Variants in TMC1 observed in about 807,000 individuals in gnomAD.
TMC1 encodes the protein transmembrane channel like 1, also known as transmembrane channel-like protein 1.
A neutral mutation model predicts 105.8 loss-of-function variants in TMC1; 84 were observed. The ratio of observed to expected loss-of-function variants is 0.79; its 90% CI spans 0.67 to 0.95. The LOEUF is 0.95. TMC1 is among the 40% of genes least tolerant of loss of function. TMC1 has a pLI of 0.00. For missense variants in TMC1, 817 were observed against 914.1 expected (o/e 0.89, Z 1.37); for synonymous variants, 315 against 311.5 (o/e 1.01, Z -0.12).
At chr9:72,570,573 A>G (rs1487041591) in intron 1 of TMC1, among the ~76,000 whole-genome samples, 1 of 151,726 alleles carries the variant, frequency 6.6e-6, no homozygotes, top group Non-Finnish European at 1.5e-5. Context: ...CTTATATTTT[A>G]AATTTGAAAT....
intron 5 of TMC1, among the ~76,000 whole-genome samples, chr9:72,649,279 G>A (rs1018106351): frequency 3.3e-5 from 5 of 152,162 alleles, no homozygotes; most frequent in African/African-American, 1.2e-4. Flanking sequence ...CAGTCATTCT[G>A]TGACATTTAT....
At chr9:72,827,320 T>C (rs1828972430) in intron 21 of TMC1, among the ~76,000 whole-genome samples, 1 of 152,108 alleles carries the variant, frequency 6.6e-6, no homozygotes, top group Non-Finnish European at 1.5e-5. Context: ...ACATTGAGCT[T>C]CCCCCCAACA....
intron 22 of TMC1, 32 bp from the exon 23 acceptor site, chr9:72,830,599 C>A (rs1166939886): frequency 6.2e-7 from 1 of 1,610,876 alleles, no homozygotes; most frequent in South Asian, 1.1e-5. Context: ...ACTGAGAAAT[C>A]TACTTTTTTC....
intron 2 of TMC1, among the ~76,000 whole-genome samples, chr9:72,586,472 C>G (rs949738623): frequency 6.6e-6 from 1 of 152,156 alleles, no homozygotes; most frequent in African/African-American, 2.4e-5. Flanking sequence ...CAATCTAGGT[C>G]AGAGAAGCTG....
intron 1 of TMC1, among the ~76,000 whole-genome samples, chr9:72,553,946 CCTGA>C (rs1295663905): frequency 1.3e-5 from 2 of 152,156 alleles, no homozygotes; most frequent in African/African-American, 2.4e-5. Flanking sequence ...GAATTTTATG[CCTGA>C]CTATTCCTTT....
intron 8 of TMC1, among the ~76,000 whole-genome samples, chr9:72,706,406 G>A (rs2117890666): frequency 6.6e-6 from 1 of 152,284 alleles, no homozygotes; most frequent in African/African-American, 2.4e-5. Flanking sequence ...ATTTCCATAA[G>A]TTTTTGGGGA....
At chr9:72,622,453 A>G (rs1825270301) in intron 3 of TMC1, among the ~76,000 whole-genome samples, 1 of 152,188 alleles carries the variant, frequency 6.6e-6, no homozygotes, top group Non-Finnish European at 1.5e-5. Flanking sequence ...CCTCATCCTT[A>G]GTGCCTTTAC....
At chr9:72,830,308 T>C in intron 21 of TMC1, 143 bp from the exon 22 acceptor site, 1 of 686,862 alleles carries the variant, frequency 1.5e-6, no homozygotes, top group Non-Finnish European at 2.5e-6. Context: ...AGCTTTTATC[T>C]ATAAGACAAG....
chr9:72,536,152 A>C (rs1823581017), intron 1 of TMC1, among the ~76,000 whole-genome samples: 1 of 152,230 alleles, frequency 6.6e-6, no homozygotes, highest in African/African-American at 2.4e-5. Flanking sequence ...AGTCCAAAGT[A>C]TCACCTGCGA....
chr9:72,563,806 A>C (rs1824099031), intron 1 of TMC1, among the ~76,000 whole-genome samples: 1 of 147,806 alleles, frequency 6.8e-6, no homozygotes, highest in Admixed American at 6.9e-5. Flanking sequence ...AGGCTGAGGC[A>C]GGAGAATCGC....
At chr9:72,541,225 C>G (rs1051550962) in intron 1 of TMC1, among the ~76,000 whole-genome samples, 1 of 152,192 alleles carries the variant, frequency 6.6e-6, no homozygotes, top group African/African-American at 2.4e-5. Context: ...TTACACCAAC[C>G]AGTGTTATCA....
intron 17 of TMC1, among the ~76,000 whole-genome samples, chr9:72,803,953 T>C (rs997535819): frequency 3.9e-5 from 6 of 152,324 alleles, no homozygotes; most frequent in African/African-American, 1.4e-4. Context: ...TGCAGCACTA[T>C]TCACAATAGC....
intron 17 of TMC1, 38 bp from the exon 18 acceptor site, chr9:72,805,344 C>G (rs938638986): frequency 1.2e-6 from 2 of 1,610,170 alleles, no homozygotes; most frequent in South Asian, 2.2e-5. Context: ...CATTTGAAGA[C>G]AGAACTGTGT....
chr9:72,597,774 C>A (rs909960579), intron 2 of TMC1, among the ~76,000 whole-genome samples: 2 of 152,152 alleles, frequency 1.3e-5, no homozygotes, highest in African/African-American at 4.8e-5. Context: ...TCAGCACAGA[C>A]CCTCTGTTCT....
At chr9:72,577,751 G>A (rs1824408792) in intron 1 of TMC1, 151 bp from the exon 2 acceptor site, 1 of 152,086 alleles carries the variant, frequency 6.6e-6, no homozygotes, top group Admixed American at 6.6e-5. Context: ...GAGTTTCAAG[G>A]GAGGGGAGTA....
intron 12 of TMC1, among the ~76,000 whole-genome samples, chr9:72,756,566 C>T (rs1827679676): frequency 6.6e-6 from 1 of 152,058 alleles, no homozygotes; most frequent in Non-Finnish European, 1.5e-5. Context: ...TTACTATGTC[C>T]CTTTACCACT....
At chr9:72,746,219 C>T (rs568283315) in intron 10 of TMC1, among the ~76,000 whole-genome samples, 74 of 152,200 alleles carry the variant, frequency 4.9e-4, no homozygotes, top group African/African-American at 1.4e-3. Context: ...TATTCCATTT[C>T]GACATCAGAA....
intron 23 of TMC1, 42 bp downstream of exon 23, chr9:72,830,724 TTTTC>T: frequency 6.5e-7 from 1 of 1,546,336 alleles, no homozygotes; most frequent in Non-Finnish European, 8.8e-7. Context: ...TAATTTTTCT[TTTTC>T]TTTTTCTTTC....
At chr9:72,664,340 T>C (rs906038539) in intron 5 of TMC1, among the ~76,000 whole-genome samples, 1 of 152,160 alleles carries the variant, frequency 6.6e-6, no homozygotes, top group Non-Finnish European at 1.5e-5. Context: ...CATGTTGATA[T>C]AAACAGGAGA....
Sources: gnomAD v4.1 joint callset for allele counts (sites outside exome capture counted in the v4.1 genomes callset) on GRCh38, gnomAD v4.1.1 for gene constraint, MANE v1.5 for transcripts, NCBI Gene and HGNC (gene_info 2026-07-23, HGNC 2026-07-21) for gene names.